Variants in SMARCB1 observed in about 807,000 individuals in gnomAD.
The protein encoded by SMARCB1 is SWI/SNF related BAF chromatin remodeling complex subunit B1.
In SMARCB1, 5 loss-of-function variants were observed where a neutral mutation model predicts 49.0. The ratio of observed to expected loss-of-function variants is 0.10; its 90% confidence interval spans 0.05 to 0.21. SMARCB1 has a LOEUF of 0.21. Ranked by LOEUF, SMARCB1 falls within the 10% of genes least tolerant of loss-of-function variation. The probability of loss-of-function intolerance (pLI) is 1.00; values close to 1 mark genes in which losing one functional copy is unlikely to be tolerated. For synonymous variants in SMARCB1, 201 were observed against 200.1 expected, an observed-to-expected ratio of 1.00 and a Z score of -0.04; for missense variants, 226 against 509.2, an observed-to-expected ratio of 0.44 and a Z score of 5.35.
chr22:23,816,406 A>G (rs1930198834), intron 5 of SMARCB1: 2 of 434,616 alleles, frequency 4.6e-6, no homozygotes, highest in Admixed American at 3.5e-5. Context: ...AGTTCAGCAC[A>G]GAGGGGAGTA....
rs397897183 is a variant in SMARCB1, at chr22:23,834,293, C to CG, written c.*116dup. On this transcript the variant is annotated 3_prime_UTR_variant, in exon 9 of 9. Transcript: ENST00000644036. The stretch of plus-strand genomic sequence containing the variant: ...GACAGCCCAGCGCCATCCTGAGGAT[C>CG]GGGTGGGGGTGGAGTGGGGGCTTCC... The CG allele has an allele frequency of 0.12, 145,505 of 1,213,696 alleles. 10,419 individuals are homozygous for CG. Among genetic ancestry groups the CG allele is most frequent in the South Asian group, 0.25 (19,674 of 77,352 alleles). The allele number at this position is 1,213,696 out of a possible 1,614,324, so 75.2% of individuals were successfully genotyped here.
At chr22:23,791,703 C>T (rs1928389008) in intron 1 of SMARCB1, 53 bp from the exon 2 acceptor site, 1 of 1,592,002 alleles carries the variant, frequency 6.3e-7, no homozygotes. Context: ...AGGACCCTCC[C>T]CTTCCCTGTG....
intron 5 of SMARCB1, 58 bp downstream of exon 5, chr22:23,803,480 A>G: frequency 2.5e-6 from 4 of 1,601,006 alleles, no homozygotes; most frequent in South Asian, 1.1e-5. Context: ...TTACGTGGGA[A>G]CAGTCCCGTT....
At chr22:23,792,558 T>C (rs35289732) in intron 2 of SMARCB1, 221 of 171,740 alleles carry the variant, frequency 1.3e-3, no homozygotes, top group Non-Finnish European at 2.5e-3. Context: ...GTGGCAAAAC[T>C]GCTTCCCACG....
At chr22:23,815,614 G>C (rs1045579810) in intron 5 of SMARCB1, 3 of 152,178 alleles carry the variant, frequency 2.0e-5, no homozygotes, top group African/African-American at 4.8e-5. Flanking sequence ...TTATACAATA[G>C]CCTACACGTG....
At chr22:23,800,868 G>GGAGCAT in intron 3 of SMARCB1, 76 bp from the exon 4 acceptor site, 1 of 1,121,414 alleles carries the variant, frequency 8.9e-7, no homozygotes, top group South Asian at 1.2e-5. Context: ...GGGCATCCCT[G>GGAGCAT]GAGCATTAGT....
At chr22:23,790,092 G>C (rs901537539) in intron 1 of SMARCB1, among the ~76,000 whole-genome samples, 1 of 152,176 alleles carries the variant, frequency 6.6e-6, no homozygotes, top group African/African-American at 2.4e-5. Context: ...GTGAAGGCTG[G>C]TTCAGAGGAA....
intron 6 of SMARCB1, among the ~76,000 whole-genome samples, chr22:23,821,024 G>A (rs181005206): frequency 1.4e-4 from 22 of 152,344 alleles, no homozygotes; most frequent in Admixed American, 7.8e-4. Flanking sequence ...CATTGTTGTT[G>A]TCTTGACGGG....
In SMARCB1 at chr22:23,817,120, A is replaced by T. The variant is rs2070458; in HGVS notation, c.795+184A>T. 0.73 allele frequency: 457,817 copies of T among 625,248 alleles called. 172,129 individuals are homozygous for T. The highest frequency in any genetic ancestry group is 0.8 in the Non-Finnish European group (279,147 of 348,704). The allele number at this position is 625,248 out of a possible 1,614,324, so 38.7% of individuals were successfully genotyped here. A position where few individuals can be genotyped will look rare whatever the true frequency, so the allele number is the denominator to read the frequency against. On this transcript the variant is annotated intron_variant, in intron 6 of 8. Coordinates refer to ENST00000644036, the MANE Select transcript of SMARCB1 (RefSeq NM_003073.5). ...CAGGAAGGGCATAGGCTGAGTTCTC[A>T]TAGTAAAGTGTTATATTCCGGACAC...
intron 6 of SMARCB1, chr22:23,824,827 CAG>C (rs1034838686): frequency 9.7e-6 from 3 of 310,530 alleles, no homozygotes; most frequent in Non-Finnish European, 1.3e-5. Context: ...TGGCTCAAGA[CAG>C]GGCTTAGGGA....
At chr22:23,803,869 CA>C in intron 5 of SMARCB1, 2 of 267,242 alleles carry the variant, frequency 7.5e-6, no homozygotes, top group Non-Finnish European at 1.5e-5. Flanking sequence ...AGTCCTGGGT[CA>C]GATGCCATCT....
chr22:23,828,175 C>T (rs533300040), intron 7 of SMARCB1, among the ~76,000 whole-genome samples: 1 of 152,262 alleles, frequency 6.6e-6, no homozygotes, highest in South Asian at 2.1e-4. Context: ...GCCTCAGGCT[C>T]CTGAGTAGAT....
intron 3 of SMARCB1, among the ~76,000 whole-genome samples, chr22:23,794,903 AAAAC>A (rs2145967149): frequency 6.6e-6 from 1 of 152,230 alleles, no homozygotes; most frequent in South Asian, 2.1e-4. Flanking sequence ...CACCTCAAAA[AAAAC>A]AAAAACAAAA....
At chr22:23,806,133 A>C (rs1929479569) in intron 5 of SMARCB1, among the ~76,000 whole-genome samples, 2 of 152,212 alleles carry the variant, frequency 1.3e-5, no homozygotes, top group Admixed American at 1.3e-4. Flanking sequence ...AACCAGGCAG[A>C]ATGAGACGTG....
chr22:23,813,169 G>C (rs1929983125), intron 5 of SMARCB1, among the ~76,000 whole-genome samples: 1 of 152,162 alleles, frequency 6.6e-6, no homozygotes, highest in African/African-American at 2.4e-5. Flanking sequence ...CTGGCCTTCT[G>C]TTGCTAGCAT....
At chr22:23,833,477 G>C in intron 7 of SMARCB1, 95 bp from the exon 8 acceptor site, 2 of 1,550,542 alleles carry the variant, frequency 1.3e-6, no homozygotes, top group South Asian at 2.2e-5. Context: ...AGTGCTGCTG[G>C]GAGGAGCAGG....
chr22:23,813,178 A>G (rs1048792840), intron 5 of SMARCB1, among the ~76,000 whole-genome samples: 11 of 152,218 alleles, frequency 7.2e-5, no homozygotes, highest in African/African-American at 1.9e-4. Context: ...TGTTGCTAGC[A>G]TTTAATAGTG....
chr22:23,833,556 C>G lies in SMARCB1; in HGVS notation c.987-16C>G. ...GCTGGAAAAGTCATTCCTCTCACTG[C>G]CTCCCCTCCTCGTAGCGAGAACCCT... is the stretch of plus-strand genomic sequence containing the variant. On this transcript the variant is annotated splice_polypyrimidine_tract_variant and intron_variant, in intron 7 of 8. Transcript: ENST00000644036. The G allele has an allele frequency of 6.2e-7, 1 of 1,614,208 alleles. No homozygotes were observed. The highest frequency in any genetic ancestry group is 8.5e-7 in the Non-Finnish European group (1 of 1,180,034).
At chr22:23,808,491 C>T (rs1170684012) in intron 5 of SMARCB1, among the ~76,000 whole-genome samples, 1 of 151,954 alleles carries the variant, frequency 6.6e-6, no homozygotes, top group East Asian at 1.9e-4. Context: ...CTCCTGACCT[C>T]GTGATCTGCC....
Sources: allele counts gnomAD v4.1 joint callset (sites outside exome capture counted in the v4.1 genomes callset), GRCh38; gene constraint gnomAD v4.1.1; transcripts MANE v1.5; gene names NCBI Gene and HGNC (gene_info 2026-07-23, HGNC 2026-07-21).